The following ADGRL1 variants were observed in gnomAD, a reference collection of about 807,000 sequenced individuals.
ADGRL1 encodes the protein CIRL-1.
ADGRL1 carries 31 observed loss-of-function variants against 148.9 expected under a neutral mutation model. The observed-to-expected ratio is 0.21, with a 90% CI of 0.16 to 0.28. ADGRL1 has a LOEUF of 0.28. Ranked by LOEUF, ADGRL1 falls within the 10% of genes least tolerant of loss-of-function variation. The probability of loss-of-function intolerance (pLI) is 1.00; values close to 1 mark genes in which losing one functional copy is unlikely to be tolerated. For missense variants in ADGRL1, 1,521 were observed against 2,058.8 expected (o/e 0.74, Z 5.05); for synonymous variants, 937 against 900.3 (o/e 1.04, Z -0.73).
At chr19:14,196,544 C>T (rs1377342547) in intron 1 of ADGRL1, among the ~76,000 whole-genome samples, 2 of 152,100 alleles carry the variant, frequency 1.3e-5, no homozygotes, top group Non-Finnish European at 2.9e-5. Context: ...CTCTTGAGCC[C>T]GGGTGGTGGA....
rs1470910300 is a variant in ADGRL1 at position 14,149,030 on chromosome 19, T to G, written c.*1843A>C. ...TGTGAGAAAAGGAGGGGCAGAGAGA[T>G]GGGGAGAGGTCAGAGCAGAGGTGGA... On this transcript the variant is annotated 3_prime_UTR_variant, in exon 23 of 23. Transcript: ENST00000361434. 6.6e-6 allele frequency: 1 copy of G among 152,184 alleles called. No individual in the cohort carries two copies. The allele number at this position is 152,184 out of a possible 1,614,324, so 9.4% of individuals were successfully genotyped here.
At position 14,155,739 on chromosome 19, in the gene ADGRL1, C is replaced by T. The variant is rs113683465; in HGVS notation, c.3126-212G>A. ...GAGGGAAAGGTACTGGGTCAGGGGT[C>T]GGGGTATTGTGAACATCAGTTATTC... On this transcript the variant is annotated intron_variant, in intron 17 of 22. Transcript: ENST00000361434. This position sits in a 1 kb window ranked among gnomAD's most constrained non-coding sequence, Gnocchi z 5.0. 2.7e-3 allele frequency: 1,617 copies of T among 590,366 alleles called. 26 individuals carry two copies. Among genetic ancestry groups the T allele is most frequent in the African/African-American group, 0.025 (1,368 of 53,752 alleles). The allele number at this position is 590,366 out of a possible 1,614,324, so 36.6% of individuals were successfully genotyped here. A position where few individuals can be genotyped will look rare whatever the true frequency, so the allele number is the denominator to read the frequency against.
At chr19:14,202,793 G>A (rs1972700466) in intron 1 of ADGRL1, among the ~76,000 whole-genome samples, 1 of 151,826 alleles carries the variant, frequency 6.6e-6, no homozygotes, top group Non-Finnish European at 1.5e-5. Flanking sequence ...ACTCCTTCTT[G>A]CAGCCCTGCC....
In ADGRL1 at chr19:14,148,101, A is replaced by G. The variant is rs561583850; in HGVS notation, c.*2772T>C. On this transcript the variant is annotated 3_prime_UTR_variant, in exon 23 of 23. Coordinates refer to ENST00000361434, the MANE Select transcript of ADGRL1 (RefSeq NM_014921.5). ...AAAGAATTAACAAGATTTAGGAGCA[A>G]ACGAGTTCAGGAGCCTAAGGAAGGG... The G allele has an allele frequency of 6.5e-6, 1 of 152,912 alleles. No homozygotes were observed. Among genetic ancestry groups the G allele is most frequent in the East Asian group, 1.9e-4 (1 of 5,184 alleles). 9.5% of individuals were successfully genotyped at this position (152,912 alleles called of 1,614,324 possible).
intron 3 of ADGRL1, among the ~76,000 whole-genome samples, chr19:14,172,583 A>T (rs1238819135): frequency 7.0e-6 from 1 of 143,526 alleles, no homozygotes; most frequent in Non-Finnish European, 1.5e-5. Flanking sequence ...CTACTAAATA[A>T]ACAAAAATTA....
At chr19:14,202,475 GCC>G (rs1972677672) in intron 1 of ADGRL1, among the ~76,000 whole-genome samples, 1 of 151,860 alleles carries the variant, frequency 6.6e-6, no homozygotes, top group African/African-American at 2.4e-5. Flanking sequence ...CTGGTCTCGA[GCC>G]CCTGACCTCA....
chr19:14,181,635 G>A (rs1169153828), intron 2 of ADGRL1, among the ~76,000 whole-genome samples: 6 of 152,004 alleles, frequency 3.9e-5, no homozygotes, highest in Admixed American at 2.6e-4. Context: ...CAGGAGAATC[G>A]CTTGAACCCG....
At chr19:14,165,518 A>T (rs1484725875) in intron 4 of ADGRL1, among the ~76,000 whole-genome samples, 1 of 152,056 alleles carries the variant, frequency 6.6e-6, no homozygotes, top group Non-Finnish European at 1.5e-5. Flanking sequence ...GGGGCCTTGG[A>T]CAGCAAGGAC....
Position 14,159,907 on chromosome 19 carries a change from C to G in ADGRL1, c.1801-134G>C. 9.9e-7 allele frequency: 1 copy of G among 1,006,868 alleles called. No individual in the cohort carries two copies. Among genetic ancestry groups the G allele is most frequent in the Non-Finnish European group, 1.5e-6 (1 of 650,456 alleles). The allele number at this position is 1,006,868 out of a possible 1,614,324, so 62.4% of individuals were successfully genotyped here. On this transcript the variant is annotated intron_variant, in intron 8 of 22. Transcript: ENST00000361434. This position sits in a 1 kb window ranked among gnomAD's most constrained non-coding sequence, Gnocchi z 6.0. ...GGGCTGGGCTATCAGCAAGACATTCCTCAGGGATCCCCAACCCCCAGGACC... is the reference window on the plus strand; with the variant it reads ...GGGCTGGGCTATCAGCAAGACATTCGTCAGGGATCCCCAACCCCCAGGACC...
rs1477165795 is a variant in ADGRL1, at chr19:14,152,553, C to T, written c.3484G>A (p.Ala1162Thr). ...VRKQTESSFMAGDINSTPTLN... is the reference protein window; with the variant it reads ...VRKQTESSFMTGDINSTPTLN... ...GTGGGGGTGCTGTTGATGTCACCCG[C>T]CATGAAGGAGGACTCCGTCTGTTTC... The change falls in exon 20 of 23, where the codon GCG (alanine) becomes ACG (threonine). Residue 1162 changes from alanine to threonine, a missense_variant. Physicochemically the swap from Ala to Thr is moderately conservative, Grantham distance 58 (BLOSUM62 0). Transcript: ENST00000361434. The surrounding 1 kb of genome is among the most constrained non-coding windows in gnomAD (Gnocchi z 6.1). The T allele has an allele frequency of 1.2e-6, 2 of 1,614,112 alleles. No individual in the cohort carries two copies. The highest frequency in any genetic ancestry group is 3.3e-5 in the Admixed American group (2 of 60,014).
intron 4 of ADGRL1, among the ~76,000 whole-genome samples, chr19:14,165,715 G>T (rs972425202): frequency 6.6e-6 from 1 of 151,970 alleles, no homozygotes; most frequent in Non-Finnish European, 1.5e-5. Context: ...GACTGGAGGG[G>T]TGTGGTGAGG....
At chr19:14,203,126 G>C (rs189654198) in intron 1 of ADGRL1, among the ~76,000 whole-genome samples, 205 of 152,118 alleles carry the variant, frequency 1.3e-3, no homozygotes, top group Middle Eastern at 3.4e-3. Context: ...GTCTTGCCAC[G>C]GCACCTTCAG....
At chr19:14,190,088 T>C (rs1362636213) in intron 1 of ADGRL1, among the ~76,000 whole-genome samples, 1 of 152,254 alleles carries the variant, frequency 6.6e-6, no homozygotes, top group Non-Finnish European at 1.5e-5. Flanking sequence ...CCACCGTGCC[T>C]GGTTAATTTT....
intron 4 of ADGRL1, among the ~76,000 whole-genome samples, chr19:14,163,627 C>A (rs562074110): frequency 1.3e-5 from 2 of 152,238 alleles, no homozygotes; most frequent in Non-Finnish European, 2.9e-5. Context: ...CCGACCCCCT[C>A]CCCACGCCCT....
intron 16 of ADGRL1, among the ~76,000 whole-genome samples, 169 bp from the exon 17 acceptor site, chr19:14,156,370 C>A (rs1968747167): frequency 6.6e-6 from 1 of 152,040 alleles, no homozygotes; most frequent in African/African-American, 2.4e-5. Flanking sequence ...AGCTGATTGG[C>A]ATGACCGGCA....
At chr19:14,158,111 C>T (rs1228128687) in intron 12 of ADGRL1, 59 bp from the exon 13 acceptor site, 12 of 1,541,782 alleles carry the variant, frequency 7.8e-6, no homozygotes, top group East Asian at 2.3e-5. Flanking sequence ...AGTCCCATTC[C>T]GACCCCCCAC....
At chr19:14,203,058 C>T (rs1972719585) in intron 1 of ADGRL1, among the ~76,000 whole-genome samples, 1 of 152,166 alleles carries the variant, frequency 6.6e-6, no homozygotes, top group African/African-American at 2.4e-5. Flanking sequence ...TCTCCCCTTC[C>T]ATCAGGGTGC....
intron 3 of ADGRL1, 118 bp downstream of exon 3, chr19:14,177,413 T>C (rs139299621): frequency 2.2e-6 from 2 of 921,190 alleles, no homozygotes; most frequent in African/African-American, 1.6e-5. Context: ...TATTAAGTGC[T>C]CAGTAAACAT....
chr19:14,192,544 T>C (rs998451911), intron 1 of ADGRL1, among the ~76,000 whole-genome samples: 11 of 148,988 alleles, frequency 7.4e-5, no homozygotes, highest in South Asian at 4.3e-4. Context: ...CCCGGCCTTT[T>C]CTTTGTTTTG....
Sources: allele counts gnomAD v4.1 joint callset (sites outside exome capture counted in the v4.1 genomes callset), GRCh38; gene constraint gnomAD v4.1.1; non-coding constraint Gnocchi (gnomAD v3.1); transcripts MANE v1.5; gene names NCBI Gene and HGNC (gene_info 2026-07-23, HGNC 2026-07-21).